FAT3: variants seen among roughly 807,000 people sequenced by gnomAD.
FAT3 encodes the protein protocadherin Fat 3.
FAT3 carries 95 observed loss-of-function variants against 310.2 expected under a neutral mutation model. That is an observed-to-expected ratio of 0.31 (90% CI 0.26 to 0.36). The LOEUF (loss-of-function observed/expected upper bound fraction) is 0.36. Ranked by LOEUF, FAT3 falls within the 10% of genes least tolerant of loss-of-function variation. FAT3 has a pLI of 1.00. For missense variants in FAT3, 5,408 were observed against 5,715.6 expected, an observed-to-expected ratio of 0.95 and a Z score of 1.74; for synonymous variants, 2,314 against 2,192.9, an observed-to-expected ratio of 1.06 and a Z score of -1.54.
At chr11:92,840,208 T>C (rs1027503330) in intron 17 of FAT3, among the ~76,000 whole-genome samples, 5 of 152,180 alleles carry the variant, frequency 3.3e-5, no homozygotes, top group Non-Finnish European at 7.3e-5. Context: ...GTGGAGCTCT[T>C]CAGGTCAGCT....
intron 3 of FAT3, among the ~76,000 whole-genome samples, chr11:92,634,618 A>C (rs977087386): frequency 5.9e-5 from 9 of 152,180 alleles, no homozygotes; most frequent in Non-Finnish European, 7.3e-5. Flanking sequence ...AGGTACTGAG[A>C]TCCTCTGCAG....
intron 2 of FAT3, among the ~76,000 whole-genome samples, chr11:92,482,661 G>A (rs934534023): frequency 2.6e-5 from 4 of 152,128 alleles, no homozygotes; most frequent in African/African-American, 7.2e-5. Context: ...CAGCTCTGCA[G>A]TTCTGGCAGC....
chr11:92,307,608 C>T lies in FAT3; in HGVS notation c.-17-44488C>T, dbSNP rs555860962. On this transcript the variant is annotated intron_variant, in intron 1 of 27. Coordinates refer to ENST00000525166, the MANE Select transcript of FAT3 (RefSeq NM_001367949.2). ...CCCAGCCCCTGCCACCAGTTCATCC[C>T]GCTTCATTGTATCTCTCAGATAAGC... Among the ~76,000 whole-genome samples the T allele has an allele frequency of 1.2e-4, 18 of 152,254 alleles. No homozygotes were observed. In the South Asian group the frequency reaches 2.9e-3, roughly 25 times the overall value.
chr11:92,889,552 T>C (rs961093633), intron 26 of FAT3, among the ~76,000 whole-genome samples: 14 of 152,230 alleles, frequency 9.2e-5, no homozygotes, highest in Admixed American at 4.6e-4. Flanking sequence ...ATTGAGCACC[T>C]ATTATGAGCT....
chr11:92,348,448 T>G (rs976401258), intron 1 of FAT3, among the ~76,000 whole-genome samples: 1 of 152,246 alleles, frequency 6.6e-6, no homozygotes, highest in African/African-American at 2.4e-5. Flanking sequence ...TAGCATTCTT[T>G]GCCTTGAAAG....
At chr11:92,796,100 T>C (rs183194889) in intron 9 of FAT3, among the ~76,000 whole-genome samples, 78 of 151,616 alleles carry the variant, frequency 5.1e-4, no homozygotes, top group Non-Finnish European at 1.0e-3. Context: ...TCAGTCAGGG[T>C]TGCATGTTGG....
chr11:92,499,533 T>C (rs1454440188), intron 2 of FAT3, among the ~76,000 whole-genome samples: 1 of 152,046 alleles, frequency 6.6e-6, no homozygotes, highest in Non-Finnish European at 1.5e-5. Flanking sequence ...ACATAGGCAG[T>C]CCTGATTTTG....
rs115050144 is a variant in FAT3, at chr11:92,669,053, G to T, written c.3608-28331G>T. Among the ~76,000 whole-genome samples the T allele has an allele frequency of 9.7e-3, 1,474 of 152,320 alleles. 28 individuals are homozygous for T. Among genetic ancestry groups the T allele is most frequent in the South Asian group, 0.08 (388 of 4,826 alleles). On this transcript the variant is annotated intron_variant, in intron 3 of 27. Coordinates refer to ENST00000525166, the MANE Select transcript of FAT3 (RefSeq NM_001367949.2). ...AATTTACAAGATTACAGGGGGTCCT[G>T]TGAAGCATCCCTGGTTTTCCAAGAC... is the stretch of plus-strand genomic sequence containing the variant.
At chr11:92,685,520 A>ATG (rs149027241) in intron 3 of FAT3, among the ~76,000 whole-genome samples, 1 of 151,652 alleles carries the variant, frequency 6.6e-6, no homozygotes, top group Non-Finnish European at 1.5e-5. Context: ...GGATGGAAGC[A>ATG]TGTGTGTGTG....
intron 1 of FAT3, among the ~76,000 whole-genome samples, chr11:92,290,216 A>G (rs995684008): frequency 2.0e-5 from 3 of 151,868 alleles, no homozygotes; most frequent in African/African-American, 4.8e-5. Context: ...CTTTCTCTCT[A>G]TAGTCCTTTG....
At chr11:92,310,554 T>G (rs1947270390) in intron 1 of FAT3, among the ~76,000 whole-genome samples, 1 of 152,112 alleles carries the variant, frequency 6.6e-6, no homozygotes, top group Non-Finnish European at 1.5e-5. Flanking sequence ...ATTTAAGAGA[T>G]GCAAGTGTAG....
At chr11:92,537,355 A>G (rs1954294776) in intron 3 of FAT3, among the ~76,000 whole-genome samples, 1 of 152,172 alleles carries the variant, frequency 6.6e-6, no homozygotes, top group African/African-American at 2.4e-5. Context: ...AGGAGAAGAC[A>G]GTCTCAAGGG....
At chr11:92,265,702 G>A in intron 1 of FAT3, among the ~76,000 whole-genome samples, 1 of 152,048 alleles carries the variant, frequency 6.6e-6, no homozygotes, top group East Asian at 1.9e-4. Flanking sequence ...TCTAGTGAGA[G>A]TCCATTTCCT....
In FAT3 at chr11:92,836,710, T is replaced by C. The variant is rs1223737659; in HGVS notation, c.10224+7T>C. The C allele has an allele frequency of 6.2e-7, 1 of 1,612,798 alleles. No homozygotes were observed. The highest frequency in any genetic ancestry group is 2.2e-5 in the East Asian group (1 of 44,842). On this transcript the variant is annotated splice_region_variant and intron_variant, in intron 16 of 27. Transcript: ENST00000525166. ...GAAATTGGACCGGGAACGGGTAAGC[T>C]AGTTTAGGACAGTTTCCTTCCCATC...
rs1298189340 is a variant in FAT3, at chr11:92,649,871, GTTCATATATATATATA to G, written c.3608-47511_3608-47496del. Among the ~76,000 whole-genome samples, 326 of 114,094 alleles carry G rather than the reference GTTCATATATATATATA, an allele frequency of 2.9e-3. 2 individuals carry two copies. Among genetic ancestry groups the G allele is most frequent in the Non-Finnish European group, 3.9e-3 (215 of 55,172 alleles). The allele number at this position is 114,094 out of a possible 152,430, so 74.9% of individuals were successfully genotyped here. A position where few individuals can be genotyped will look rare whatever the true frequency, so the allele number is the denominator to read the frequency against. ...CATTTGTTAAACACCCACTTTGTAT[GTTCATATATATATATA>G]TATATATATATATATATATATATAT... is the stretch of plus-strand genomic sequence containing the variant. On this transcript the variant is annotated intron_variant, in intron 3 of 27. Transcript: ENST00000525166.
chr11:92,542,592 C>T (rs542045359), intron 3 of FAT3, among the ~76,000 whole-genome samples: 2 of 151,904 alleles, frequency 1.3e-5, no homozygotes, highest in Non-Finnish European at 2.9e-5. Context: ...TGAAAAAATA[C>T]TCAACATTAC....
chr11:92,347,240 C>A (rs1433390187), intron 1 of FAT3, among the ~76,000 whole-genome samples: 1 of 152,082 alleles, frequency 6.6e-6, no homozygotes. Flanking sequence ...ACTGCATACA[C>A]CAGAGCAGAG....
rs865928097 is a variant in FAT3, at chr11:92,285,599, A to G, written c.-18+60425A>G. 1.4e-4 allele frequency among the ~76,000 whole-genome samples: 21 copies of G among 152,244 alleles called. 1 individual carries two copies. In the Middle Eastern group the frequency reaches 0.01, roughly 74 times the overall value. On this transcript the variant is annotated intron_variant, in intron 1 of 27. Transcript: ENST00000525166. ...TTGATCATCTGTGTGATATTTTGGGAAAGACACTTAGGTCTCTGTTTCTAT... is the reference window on the plus strand; with the variant it reads ...TTGATCATCTGTGTGATATTTTGGGGAAGACACTTAGGTCTCTGTTTCTAT...
intron 3 of FAT3, among the ~76,000 whole-genome samples, chr11:92,650,406 T>C (rs1385794105): frequency 6.6e-6 from 1 of 152,224 alleles, no homozygotes; most frequent in Non-Finnish European, 1.5e-5. Context: ...CACTCATTAA[T>C]ACGCACTGTC....
Sources: gnomAD v4.1 joint callset for allele counts (sites outside exome capture counted in the v4.1 genomes callset) on GRCh38, gnomAD v4.1.1 for gene constraint, MANE v1.5 for transcripts, NCBI Gene and HGNC (gene_info 2026-07-23, HGNC 2026-07-21) for gene names.